ARHGAP24: variants seen among roughly 807,000 people sequenced by gnomAD.
ARHGAP24 encodes the protein rho GTPase-activating protein 24.
Under a neutral mutation model 76.4 loss-of-function variants are expected in ARHGAP24, and 50 were observed. The observed-to-expected ratio is 0.65, with a 90% CI of 0.52 to 0.83. The LOEUF is 0.83. Among genes scored for constraint, ARHGAP24 ranks in the 40% least tolerant of loss-of-function variants. The pLI is 0.00. For missense variants in ARHGAP24, 930 were observed against 914.2 expected (o/e 1.02, Z -0.22); for synonymous variants, 345 against 323.3 (o/e 1.07, Z -0.72).
intron 2 of ARHGAP24, among the ~76,000 whole-genome samples, chr4:85,571,698 G>C (rs1727145960): frequency 6.6e-6 from 1 of 151,856 alleles, no homozygotes; most frequent in South Asian, 2.1e-4. Flanking sequence ...TACAAACCTT[G>C]GTCTTTTTTT....
intron 3 of ARHGAP24, among the ~76,000 whole-genome samples, chr4:85,807,982 TAC>T (rs1728863213): frequency 6.6e-6 from 1 of 152,304 alleles, no homozygotes; most frequent in South Asian, 2.1e-4. Flanking sequence ...CCTTTATAAA[TAC>T]AGTGTTGAGG....
At chr4:85,603,828 T>C (rs1237248764) in intron 2 of ARHGAP24, among the ~76,000 whole-genome samples, 1 of 152,230 alleles carries the variant, frequency 6.6e-6, no homozygotes, top group Non-Finnish European at 1.5e-5. Flanking sequence ...TACTGAAGGA[T>C]GATGGACTAG....
intron 3 of ARHGAP24, among the ~76,000 whole-genome samples, chr4:85,744,271 A>C (rs1371425273): frequency 6.6e-6 from 1 of 152,218 alleles, no homozygotes; most frequent in Non-Finnish European, 1.5e-5. Context: ...TATTTGGATT[A>C]AGCTTCAATC....
At chr4:85,880,519 TTGTGTGTGTG>T (rs58530817) in intron 3 of ARHGAP24, among the ~76,000 whole-genome samples, 63,040 of 150,658 alleles carry the variant, frequency 0.42, 13,823 homozygotes, top group East Asian at 0.7. Context: ...TGCATAACTT[TTGTGTGTGTG>T]TGTGTGTGTG....
At chr4:85,600,688 TGAA>T (rs1429023366) in intron 2 of ARHGAP24, among the ~76,000 whole-genome samples, 1 of 152,224 alleles carries the variant, frequency 6.6e-6, no homozygotes, top group Non-Finnish European at 1.5e-5. Context: ...GCTACTCACT[TGAA>T]GAACTTGTGC....
chr4:85,992,013 T>C (rs1177245170), intron 8 of ARHGAP24: 1 of 394,926 alleles, frequency 2.5e-6, no homozygotes, highest in East Asian at 3.6e-5. Context: ...ATATTTAGAG[T>C]CAACCTGTAT....
intron 3 of ARHGAP24, among the ~76,000 whole-genome samples, chr4:85,900,094 T>C (rs1734409183): frequency 6.6e-6 from 1 of 152,308 alleles, no homozygotes; most frequent in East Asian, 1.9e-4. Flanking sequence ...CAACCTGTGG[T>C]GCAAAGTAAA....
At chr4:85,774,041 G>T (rs1460909414) in intron 3 of ARHGAP24, among the ~76,000 whole-genome samples, 1 of 152,270 alleles carries the variant, frequency 6.6e-6, no homozygotes, top group Non-Finnish European at 1.5e-5. Context: ...CCTCTCCCTG[G>T]TTGTCCTGGA....
chr4:85,790,139 CCAGGTGATTATGGCA>C (rs1332881607), intron 3 of ARHGAP24, among the ~76,000 whole-genome samples: 1 of 152,080 alleles, frequency 6.6e-6, no homozygotes, highest in Admixed American at 6.6e-5. Flanking sequence ...AACAAAAACT[CCAGGTGATTATGGCA>C]CAGGTGGTCC....
At chr4:85,700,885 G>A (rs183006151) in intron 2 of ARHGAP24, among the ~76,000 whole-genome samples, 63 of 152,112 alleles carry the variant, frequency 4.1e-4, no homozygotes, top group Admixed American at 2.8e-3. Context: ...TCTTCCAGCA[G>A]GCAAAACAAA....
intron 2 of ARHGAP24, among the ~76,000 whole-genome samples, chr4:85,594,031 A>G (rs1379872679): frequency 6.6e-6 from 1 of 151,914 alleles, no homozygotes; most frequent in Admixed American, 6.6e-5. Flanking sequence ...GAATCTGTAG[A>G]TTGCTTTGGG....
intron 1 of ARHGAP24, among the ~76,000 whole-genome samples, chr4:85,510,955 C>T (rs1458233484): frequency 1.3e-5 from 2 of 152,090 alleles, no homozygotes; most frequent in Non-Finnish European, 2.9e-5. Context: ...GTAAACTTGT[C>T]TTGTTTACCC....
chr4:85,857,402 A>C (rs1731639661), intron 3 of ARHGAP24, among the ~76,000 whole-genome samples: 1 of 152,260 alleles, frequency 6.6e-6, no homozygotes, highest in Non-Finnish European at 1.5e-5. Flanking sequence ...CTGCTTTCTG[A>C]AAGTATAAGA....
At chr4:85,504,184 G>A (rs1251104950) in intron 1 of ARHGAP24, among the ~76,000 whole-genome samples, 1 of 152,218 alleles carries the variant, frequency 6.6e-6, no homozygotes, top group Non-Finnish European at 1.5e-5. Flanking sequence ...TGAGAAGAAT[G>A]TATATTCTGT....
Position 85,930,442 on chromosome 4 carries a change from C to G in ARHGAP24, c.391+6672C>G. On this transcript the variant is annotated intron_variant, in intron 4 of 9. Coordinates refer to ENST00000395184, the MANE Select transcript of ARHGAP24 (RefSeq NM_001025616.3). Reference sequence around the variant, plus strand: ...TCCCCTCTTGCTCAGATGAAAGGAGCCAGCAAGGACAGTCCTGAAATATTC... The same window carrying G: ...TCCCCTCTTGCTCAGATGAAAGGAGGCAGCAAGGACAGTCCTGAAATATTC... 3.0e-6 allele frequency: 3 copies of G among 986,512 alleles called. No individual in the cohort carries two copies. In the South Asian group the frequency reaches 1.4e-4, roughly 46 times the overall value. 61.1% of individuals were successfully genotyped at this position (986,512 alleles called of 1,614,324 possible).
chr4:85,707,160 A>T (rs1578158454), intron 2 of ARHGAP24, among the ~76,000 whole-genome samples: 1 of 152,078 alleles, frequency 6.6e-6, no homozygotes, highest in African/African-American at 2.4e-5. Context: ...AAATCCTCTC[A>T]CCTTGTCCTC....
intron 3 of ARHGAP24, among the ~76,000 whole-genome samples, chr4:85,748,126 C>G (rs1227586007): frequency 6.6e-6 from 1 of 152,236 alleles, no homozygotes; most frequent in African/African-American, 2.4e-5. Context: ...TAAAAGAACC[C>G]TAACCTAGAG....
intron 3 of ARHGAP24, among the ~76,000 whole-genome samples, chr4:85,919,825 A>C (rs1054875466): frequency 7.2e-5 from 11 of 152,208 alleles, no homozygotes; most frequent in African/African-American, 2.7e-4. Context: ...CAAAGACAAT[A>C]ATTACAATAT....
At chr4:85,503,828 G>A (rs1009952281) in intron 1 of ARHGAP24, among the ~76,000 whole-genome samples, 10 of 152,028 alleles carry the variant, frequency 6.6e-5, no homozygotes, top group Non-Finnish European at 1.3e-4. Flanking sequence ...ATTTTAGATC[G>A]TTCCTGCTTT....
Sources: allele counts gnomAD v4.1 joint callset (sites outside exome capture counted in the v4.1 genomes callset), GRCh38; gene constraint gnomAD v4.1.1; transcripts MANE v1.5; gene names NCBI Gene and HGNC (gene_info 2026-07-23, HGNC 2026-07-21).